The following LY75 variants were observed in gnomAD, a reference collection of about 807,000 sequenced individuals.
LY75 encodes C-type lectin domain family 13 member B.
Under a neutral mutation model 231.7 loss-of-function variants are expected in LY75, and 185 were observed. The ratio of observed to expected loss-of-function variants is 0.80; its 90% CI spans 0.71 to 0.90. LY75 has a LOEUF of 0.90. Among genes scored for constraint, LY75 ranks in the 40% least tolerant of loss-of-function variants. The pLI is 0.00. For missense variants in LY75, 1,947 were observed against 2,050.2 expected (o/e 0.95, Z 0.97); for synonymous variants, 668 against 689.0 (o/e 0.97, Z 0.48).
intron 23 of LY75, among the ~76,000 whole-genome samples, chr2:159,849,502 A>G (rs564725934): frequency 6.6e-6 from 1 of 152,200 alleles, no homozygotes; most frequent in South Asian, 2.1e-4. Flanking sequence ...AAACATCTGT[A>G]TTTGCTTCTA....
At chr2:159,860,743 T>C in intron 15 of LY75, 78 bp downstream of exon 15, 1 of 1,550,086 alleles carries the variant, frequency 6.5e-7, no homozygotes, top group Non-Finnish European at 8.9e-7. Flanking sequence ...AAAAAGACAC[T>C]CCATGGATCT....
intron 3 of LY75, 44 bp from the exon 4 acceptor site, chr2:159,890,421 T>A: frequency 6.2e-7 from 1 of 1,607,364 alleles, no homozygotes; most frequent in Non-Finnish European, 8.5e-7. Context: ...AAGGACATAA[T>A]GTTTTCTATT....
intron 21 of LY75, among the ~76,000 whole-genome samples, chr2:159,850,816 GAT>G: frequency 1.4e-5 from 1 of 70,052 alleles, no homozygotes; most frequent in East Asian, 3.3e-4. Flanking sequence ...TTATATATAA[GAT>G]ATATATTGTA....
At chr2:159,855,008 T>C in intron 16 of LY75, 69 bp from the exon 17 acceptor site, 1 of 1,593,692 alleles carries the variant, frequency 6.3e-7, no homozygotes, top group Non-Finnish European at 8.6e-7. Context: ...AAGTACGGCC[T>C]TTAATGTAGC....
At chr2:159,815,365 C>T (rs1683094123) in intron 31 of LY75, 40 bp downstream of exon 31, 2 of 1,549,374 alleles carry the variant, frequency 1.3e-6, no homozygotes, top group African/African-American at 2.8e-5. Context: ...AATTATGTCA[C>T]ATTTTCATAA....
chr2:159,841,023 T>C, intron 24 of LY75, 68 bp from the exon 25 acceptor site: 1 of 1,576,326 alleles, frequency 6.3e-7, no homozygotes, highest in Non-Finnish European at 8.6e-7. Context: ...TGGGACATTT[T>C]TTTCACATTT....
intron 21 of LY75, among the ~76,000 whole-genome samples, chr2:159,851,548 C>T (rs55664214): frequency 0.56 from 84,813 of 151,928 alleles, 24,375 homozygotes; most frequent in African/African-American, 0.61. Context: ...TGTTTCCACA[C>T]AAACCTGCTT....
chr2:159,858,723 C>A (rs929926661), intron 15 of LY75, among the ~76,000 whole-genome samples: 1 of 152,196 alleles, frequency 6.6e-6, no homozygotes, highest in African/African-American at 2.4e-5. Flanking sequence ...TTTTCTCCCC[C>A]ACACCTGACA....
At chr2:159,807,278 A>G (rs1414000408) in intron 33 of LY75, 138 bp from the exon 34 acceptor site, 1 of 1,094,430 alleles carries the variant, frequency 9.1e-7, no homozygotes. Flanking sequence ...TAAAAATGAA[A>G]AAAATAAAAT....
Position 159,805,012 on chromosome 2 carries a change from A to G in LY75, c.*32T>C. 3 of 1,574,544 alleles carry G rather than the reference A, an allele frequency of 1.9e-6. No homozygotes were observed. Among genetic ancestry groups the G allele is most frequent in the Non-Finnish European group, 2.6e-6 (3 of 1,145,916 alleles). On this transcript the variant is annotated 3_prime_UTR_variant, in exon 35 of 35. Coordinates refer to ENST00000263636, the MANE Select transcript of LY75 (RefSeq NM_002349.4). Reference sequence around the variant, plus strand: ...TTAAGTGACTAATTTCTCATAACACATTAGTGCAAATTAGAAAACTTTTAG... The same window carrying G: ...TTAAGTGACTAATTTCTCATAACACGTTAGTGCAAATTAGAAAACTTTTAG...
At chr2:159,834,510 A>G (rs879293673) in intron 26 of LY75, among the ~76,000 whole-genome samples, 1 of 152,174 alleles carries the variant, frequency 6.6e-6, no homozygotes, top group Admixed American at 6.6e-5. Flanking sequence ...AGTACAAGGG[A>G]CCACCCCTAG....
At chr2:159,882,463 G>A in intron 6 of LY75, 148 bp from the exon 7 acceptor site, 1 of 1,076,758 alleles carries the variant, frequency 9.3e-7, no homozygotes, top group Non-Finnish European at 1.3e-6. Flanking sequence ...TTCATGTGGT[G>A]CCTACCACAT....
intron 6 of LY75, 50 bp downstream of exon 6, chr2:159,885,103 A>G (rs1201470885): frequency 6.3e-7 from 1 of 1,577,842 alleles, no homozygotes; most frequent in East Asian, 2.3e-5. Context: ...TCACAAAACT[A>G]TGATTTTAAG....
chr2:159,817,080 T>C (rs1309895946), intron 29 of LY75, 48 bp from the exon 30 acceptor site: 24 of 1,493,064 alleles, frequency 1.6e-5, no homozygotes, highest in Non-Finnish European at 2.2e-5. Flanking sequence ...TTATTTCAAA[T>C]ACATCTTTTG....
At chr2:159,818,435 GA>G (rs1202784631) in intron 29 of LY75, among the ~76,000 whole-genome samples, 1 of 152,170 alleles carries the variant, frequency 6.6e-6, no homozygotes, top group Non-Finnish European at 1.5e-5. Context: ...CAAACTGAGG[GA>G]CGTTCTACCA....
In LY75 at chr2:159,816,833, T is replaced by C. The variant is rs140430065; in HGVS notation, c.4353A>G (p.Pro1451=). 2.5e-6 allele frequency: 4 copies of C among 1,614,170 alleles called. No individual in the cohort carries two copies. The highest frequency in any genetic ancestry group is 1.3e-5 in the African/African-American group (1 of 75,068). The change falls in exon 30 of 35, where the codon CCA becomes CCG. Residue 1451 remains proline, a synonymous_variant. Coordinates refer to ENST00000263636, the MANE Select transcript of LY75 (RefSeq NM_002349.4). Reference sequence around the variant, plus strand: ...CATGACTTGAGAGCCCAACCCATAGTGGAAATCCATCACGTTTTACAATAT... The same window carrying C: ...CATGACTTGAGAGCCCAACCCATAGCGGAAATCCATCACGTTTTACAATAT... ...LEDIVKRDGF[P]LWVGLSSHDG...
chr2:159,818,524 G>A (rs1683190689), intron 29 of LY75, among the ~76,000 whole-genome samples: 1 of 152,178 alleles, frequency 6.6e-6, no homozygotes, highest in Non-Finnish European at 1.5e-5. Flanking sequence ...CAGCCAAGAG[G>A]AGCTTAAGGA....
chr2:159,884,663 T>C (rs145181224), intron 6 of LY75, among the ~76,000 whole-genome samples: 1 of 152,272 alleles, frequency 6.6e-6, no homozygotes, highest in East Asian at 1.9e-4. Flanking sequence ...TACGGAGGCA[T>C]GAACTGCAGT....
intron 23 of LY75, among the ~76,000 whole-genome samples, chr2:159,846,014 T>C (rs1418211008): frequency 1.3e-5 from 2 of 151,064 alleles, no homozygotes; most frequent in East Asian, 2.0e-4. Context: ...CCCAGGCTGG[T>C]CTCTGGTCTC....
Sources: allele counts gnomAD v4.1 joint callset (sites outside exome capture counted in the v4.1 genomes callset), GRCh38; gene constraint gnomAD v4.1.1; transcripts MANE v1.5; gene names NCBI Gene and HGNC (gene_info 2026-07-23, HGNC 2026-07-21).